The following PTPRD variants were observed in gnomAD, a reference collection of about 807,000 sequenced individuals.
The protein encoded by PTPRD is receptor-type tyrosine-protein phosphatase delta.
Under a neutral mutation model 214.5 loss-of-function variants are expected in PTPRD, and 34 were observed. That is an observed-to-expected ratio of 0.16 (90% CI 0.12 to 0.21). PTPRD has a LOEUF of 0.21. PTPRD is among the 10% of genes least tolerant of loss of function. The pLI is 1.00. For missense variants in PTPRD, 2,545 were observed against 2,398.7 expected (o/e 1.06, Z -1.27); for synonymous variants, 1,128 against 845.7 (o/e 1.33, Z -5.79).
At chr9:10,555,295 A>T (rs186507249) in intron 2 of PTPRD, among the ~76,000 whole-genome samples, 80 of 152,338 alleles carry the variant, frequency 5.3e-4, no homozygotes, top group African/African-American at 1.9e-3. Context: ...AAAATAAAAG[A>T]CAAACTCATT....
At chr9:9,319,120 C>T (rs568891459) in intron 9 of PTPRD, among the ~76,000 whole-genome samples, 60 of 152,258 alleles carry the variant, frequency 3.9e-4, no homozygotes, top group African/African-American at 1.3e-3. Context: ...TCTTAATCTG[C>T]AAATCAATAA....
chr9:9,316,096 A>T (rs765118900), intron 9 of PTPRD, among the ~76,000 whole-genome samples: 10 of 151,986 alleles, frequency 6.6e-5, no homozygotes, highest in Non-Finnish European at 1.5e-4. Context: ...TTGACAGTCA[A>T]TTAGGATGTG....
chr9:8,772,379 G>A (rs1216308198), intron 11 of PTPRD, among the ~76,000 whole-genome samples: 2 of 83,900 alleles, frequency 2.4e-5, no homozygotes, highest in Non-Finnish European at 5.2e-5. Flanking sequence ...AAAACATAAA[G>A]GAGCACAGTA....
intron 2 of PTPRD, among the ~76,000 whole-genome samples, chr9:10,566,692 A>G (rs960383624): frequency 6.6e-6 from 1 of 151,938 alleles, no homozygotes; most frequent in Non-Finnish European, 1.5e-5. Flanking sequence ...TTTTAATGCA[A>G]CTGAAGTCAG....
chr9:10,133,969 G>C (rs993975386), intron 3 of PTPRD, among the ~76,000 whole-genome samples: 1 of 151,932 alleles, frequency 6.6e-6, no homozygotes, highest in African/African-American at 2.4e-5. Flanking sequence ...TTTCATTCAA[G>C]CAATGTTTTA....
chr9:8,758,885 C>A (rs1174620452), intron 11 of PTPRD, among the ~76,000 whole-genome samples: 1 of 151,942 alleles, frequency 6.6e-6, no homozygotes, highest in Non-Finnish European at 1.5e-5. Context: ...CGGGGTTTCA[C>A]CCTGTTAGCC....
At chr9:8,615,337 T>C (rs1410581628) in intron 14 of PTPRD, among the ~76,000 whole-genome samples, 4 of 152,054 alleles carry the variant, frequency 2.6e-5, no homozygotes, top group Admixed American at 2.6e-4. Context: ...AAGGAGGGCA[T>C]AGTAAGTACA....
chr9:9,769,412 G>A (rs1024749109), intron 5 of PTPRD, among the ~76,000 whole-genome samples: 2 of 127,692 alleles, frequency 1.6e-5, no homozygotes, highest in Non-Finnish European at 3.1e-5. Context: ...TGCAAGCTCC[G>A]CCTCCCGGGT....
intron 3 of PTPRD, among the ~76,000 whole-genome samples, chr9:10,204,787 C>T (rs899932863): frequency 2.0e-5 from 3 of 152,030 alleles, no homozygotes; most frequent in South Asian, 4.1e-4. Flanking sequence ...TCAGAAAATA[C>T]ATTTTAAAAT....
intron 6 of PTPRD, among the ~76,000 whole-genome samples, chr9:9,750,181 A>G (rs912055395): frequency 1.3e-5 from 2 of 152,200 alleles, no homozygotes; most frequent in Non-Finnish European, 2.9e-5. Context: ...CCTAAATGCA[A>G]TCAAAGGTGA....
chr9:8,979,960 G>A (rs535108413), intron 11 of PTPRD, among the ~76,000 whole-genome samples: 5 of 151,976 alleles, frequency 3.3e-5, no homozygotes, highest in African/African-American at 4.8e-5. Context: ...TGGAAACAAC[G>A]TAAATGTCTG....
At chr9:9,653,006 C>T (rs1394965734) in intron 7 of PTPRD, among the ~76,000 whole-genome samples, 1 of 152,086 alleles carries the variant, frequency 6.6e-6, no homozygotes, top group East Asian at 1.9e-4. Flanking sequence ...TCAATATGGA[C>T]TTAATCAAAG....
intron 3 of PTPRD, among the ~76,000 whole-genome samples, chr9:10,249,415 T>G (rs2092563471): frequency 6.6e-6 from 1 of 152,148 alleles, no homozygotes; most frequent in South Asian, 2.1e-4. Flanking sequence ...AGAAAGAGTT[T>G]AAATTTTGAC....
At chr9:9,154,321 A>C (rs531802867) in intron 10 of PTPRD, among the ~76,000 whole-genome samples, 1 of 152,322 alleles carries the variant, frequency 6.6e-6, no homozygotes, top group South Asian at 2.1e-4. Flanking sequence ...TTGGTGGCTT[A>C]AACCACAAGC....
At chr9:10,337,988 G>T (rs1023545836) in intron 3 of PTPRD, among the ~76,000 whole-genome samples, 1 of 151,340 alleles carries the variant, frequency 6.6e-6, no homozygotes, top group Non-Finnish European at 1.5e-5. Context: ...AATTTATCTT[G>T]TTGGGAAAAA....
intron 3 of PTPRD, among the ~76,000 whole-genome samples, chr9:10,262,848 C>T (rs548128892): frequency 4.5e-4 from 69 of 152,272 alleles, no homozygotes; most frequent in African/African-American, 1.6e-3. Context: ...GCTGTCTCCT[C>T]ACCAAATCTC....
chr9:8,445,737 A>G (rs535109879), intron 34 of PTPRD, among the ~76,000 whole-genome samples: 4 of 152,302 alleles, frequency 2.6e-5, no homozygotes, highest in East Asian at 1.9e-4. Flanking sequence ...TGATGCAGCA[A>G]TCGGTTAAGT....
chr9:10,115,574 T>C (rs2098724007), intron 3 of PTPRD, among the ~76,000 whole-genome samples: 1 of 152,142 alleles, frequency 6.6e-6, no homozygotes, highest in South Asian at 2.1e-4. Context: ...CTTTCAAGGT[T>C]GATGTGTTTT....
At chr9:8,428,309 G>C (rs935926487) in intron 35 of PTPRD, among the ~76,000 whole-genome samples, 2 of 152,160 alleles carry the variant, frequency 1.3e-5, no homozygotes, top group African/African-American at 2.4e-5. Context: ...CAGTGTATTA[G>C]GAGATTCTGA....
Sources: allele counts gnomAD v4.1 joint callset (sites outside exome capture counted in the v4.1 genomes callset), GRCh38; gene constraint gnomAD v4.1.1; transcripts MANE v1.5; gene names NCBI Gene and HGNC (gene_info 2026-07-23, HGNC 2026-07-21).